The following ZNF831 variants were observed in gnomAD, a reference collection of about 807,000 sequenced individuals.
The protein encoded by ZNF831 is zinc finger protein 831.
ZNF831 carries 59 observed loss-of-function variants against 95.8 expected under a neutral mutation model. The ratio of observed to expected loss-of-function variants is 0.62; its 90% CI spans 0.50 to 0.77. The LOEUF (loss-of-function observed/expected upper bound fraction) is 0.77. Ranked by LOEUF, ZNF831 falls within the 30% of genes least tolerant of loss-of-function variation. The pLI is 0.00. For synonymous variants in ZNF831, 961 were observed against 925.5 expected (o/e 1.04, Z -0.70); for missense variants, 2,205 against 2,164.0 (o/e 1.02, Z -0.38).
At chr20:59,244,355 A>G (rs762423338) in intron 4 of ZNF831, among the ~76,000 whole-genome samples, 100 of 152,262 alleles carry the variant, frequency 6.6e-4, no homozygotes, top group Admixed American at 1.6e-3. Flanking sequence ...CTGGTGTGTG[A>G]GGATTTATCT....
intron 3 of ZNF831, among the ~76,000 whole-genome samples, chr20:59,198,213 A>C (rs1459482927): frequency 6.6e-6 from 1 of 152,250 alleles, no homozygotes; most frequent in Non-Finnish European, 1.5e-5. Context: ...ACCCACTAGC[A>C]GCTCTTGGGC....
chr20:59,246,839 C>T (rs980719267), intron 4 of ZNF831, among the ~76,000 whole-genome samples: 4 of 152,136 alleles, frequency 2.6e-5, no homozygotes, highest in Non-Finnish European at 5.9e-5. Flanking sequence ...TTGATAAATC[C>T]ATCTTTCTGG....
rs1204474078 is a variant in ZNF831, at chr20:59,192,205, G to T, written c.1186G>T (p.Gly396Cys). 2 of 1,581,270 alleles carry T rather than the reference G, an allele frequency of 1.3e-6. No homozygotes were observed. The highest frequency in any genetic ancestry group is 2.3e-5 in the East Asian group (1 of 43,452). The change falls in exon 2 of 6, where the codon GGC becomes TGC. Residue 396 changes from glycine (G) to cysteine (C), a missense_variant. Physicochemically the swap from Gly to Cys is radical, Grantham distance 159 (BLOSUM62 -3). Coordinates refer to ENST00000371030, the MANE Select transcript of ZNF831 (RefSeq NM_178457.3). The surrounding 1 kb of genome is among the most constrained non-coding windows in gnomAD (Gnocchi z 5.2). ...AGAEPGAREA[G>C]LELEKKRLEE... ...GGCCGAGCCCGGGGCGCGAGAAGCCGGCCTGGAGCTGGAGAAGAAGCGGCT... is the reference window on the plus strand; with the variant it reads ...GGCCGAGCCCGGGGCGCGAGAAGCCTGCCTGGAGCTGGAGAAGAAGCGGCT...
At chr20:59,154,994 G>T (rs1022643835) in intron 2 of ZNF831, among the ~76,000 whole-genome samples, 1 of 152,146 alleles carries the variant, frequency 6.6e-6, no homozygotes, top group Non-Finnish European at 1.5e-5. Context: ...GTCCCATGAC[G>T]GCAAGGGGGC....
At chr20:59,127,070 G>A (rs1979196179) in intron 1 of ZNF831, among the ~76,000 whole-genome samples, 1 of 152,072 alleles carries the variant, frequency 6.6e-6, no homozygotes, top group Non-Finnish European at 1.5e-5. Flanking sequence ...CATCCCAGGA[G>A]GTTTGCTTCT....
At chr20:59,142,385 C>T (rs952199984) in intron 1 of ZNF831, among the ~76,000 whole-genome samples, 1 of 152,196 alleles carries the variant, frequency 6.6e-6, no homozygotes, top group African/African-American at 2.4e-5. Context: ...TGGAGCTGTC[C>T]TAGGTCCTGA....
At chr20:59,151,433 G>T (rs1980229348) in intron 2 of ZNF831, among the ~76,000 whole-genome samples, 1 of 152,182 alleles carries the variant, frequency 6.6e-6, no homozygotes, top group South Asian at 2.1e-4. Context: ...AGGTGTTTAT[G>T]ATACACCCGA....
rs2146551302 is a variant in ZNF831 at position 59,191,661 on chromosome 20, G to A, written c.642G>A (p.Leu214=). The change falls in exon 2 of 6, where the codon CTG becomes CTA. Residue 214 remains leucine, a synonymous_variant. Coordinates refer to ENST00000371030, the MANE Select transcript of ZNF831 (RefSeq NM_178457.3). ...CCGAGGGCGCCGGGGGCGGCCTCCT[G>A]GAGGAAGGGGACAAGGCCGGAGAGC... is the stretch of plus-strand genomic sequence containing the variant. ...SESEGAGGGL[L]EEGDKAGEPP... The A allele has an allele frequency of 6.4e-7, 1 of 1,560,116 alleles. No individual in the cohort carries two copies. Among genetic ancestry groups the A allele is most frequent in the South Asian group, 1.2e-5 (1 of 81,980 alleles).
In ZNF831 at chr20:59,195,779, G is replaced by A. The variant is rs920683862; in HGVS notation, c.3739-90G>A. 10 of 1,521,044 alleles carry A rather than the reference G, an allele frequency of 6.6e-6. 1 individual carries two copies. Among genetic ancestry groups the A allele is most frequent in the Middle Eastern group, 2.3e-4 (1 of 4,444 alleles). 94.2% of individuals were successfully genotyped at this position (1,521,044 alleles called of 1,614,324 possible). A position where few individuals can be genotyped will look rare whatever the true frequency, so the allele number is the denominator to read the frequency against. On this transcript the variant is annotated intron_variant, in intron 2 of 5. Transcript: ENST00000371030. ...TTTCCGTTTTGATTTCTGAAGACAG[G>A]CATCTTGTCTGCAGAGCGAGAACCC...
At chr20:59,184,953 G>C (rs564632497) in intron 1 of ZNF831, among the ~76,000 whole-genome samples, 4 of 152,270 alleles carry the variant, frequency 2.6e-5, no homozygotes, top group South Asian at 2.1e-4. Context: ...GAGGAGGTGG[G>C]GAGCTGCACA....
At position 59,192,525 on chromosome 20, in the gene ZNF831, C is replaced by T. The variant is rs745847652; in HGVS notation, c.1506C>T (p.Thr502=). The change falls in exon 2 of 6, where the codon ACC becomes ACT. Residue 502 remains threonine (T), a synonymous_variant. Coordinates refer to ENST00000371030, the MANE Select transcript of ZNF831 (RefSeq NM_178457.3). The surrounding 1 kb of genome is among the most constrained non-coding windows in gnomAD (Gnocchi z 5.2). ...LSTTVECVPV[T]RSNSLPFVEG... Reference sequence around the variant, plus strand: ...CCACCGTGGAATGTGTCCCCGTCACCAGGAGCAACTCGCTGCCCTTCGTCG... The same window carrying T: ...CCACCGTGGAATGTGTCCCCGTCACTAGGAGCAACTCGCTGCCCTTCGTCG... 1.3e-6 allele frequency: 2 copies of T among 1,533,136 alleles called. No homozygotes were observed. Among genetic ancestry groups the T allele is most frequent in the Non-Finnish European group, 8.8e-7 (1 of 1,142,040 alleles). The allele number at this position is 1,533,136 out of a possible 1,614,324, so 95.0% of individuals were successfully genotyped here. A position where few individuals can be genotyped will look rare whatever the true frequency, so the allele number is the denominator to read the frequency against.
At position 59,217,792 on chromosome 20, in the gene ZNF831, T is replaced by A. The variant is rs1985797665; in HGVS notation, c.4027+10736T>A. 6.6e-6 allele frequency among the ~76,000 whole-genome samples: 1 copy of A among 152,198 alleles called. No homozygotes were observed. The highest frequency in any genetic ancestry group is 2.1e-4 in the South Asian group (1 of 4,832). ...TCGTTTATTTATTTATTTATTTTTTTAAATCACAGAGAAGTAAGTTTCTCT... is the reference window on the plus strand; with the variant it reads ...TCGTTTATTTATTTATTTATTTTTTAAAATCACAGAGAAGTAAGTTTCTCT... On this transcript the variant is annotated intron_variant, in intron 4 of 5. Coordinates refer to ENST00000371030, the MANE Select transcript of ZNF831 (RefSeq NM_178457.3). This position sits in a 1 kb window ranked among gnomAD's most constrained non-coding sequence, Gnocchi z 4.4.
chr20:59,156,676 C>T (rs1333665876), intron 2 of ZNF831, among the ~76,000 whole-genome samples: 2 of 152,224 alleles, frequency 1.3e-5, no homozygotes, highest in Non-Finnish European at 2.9e-5. Flanking sequence ...CATTTCTCCT[C>T]CCCTACTCCC....
chr20:59,175,857 T>C (rs545996036), intron 1 of ZNF831, among the ~76,000 whole-genome samples: 185 of 152,360 alleles, frequency 1.2e-3, no homozygotes, highest in African/African-American at 4.1e-3. Flanking sequence ...TATGAGAGTC[T>C]GGGTTTAGTG....
upstream of ZNF831, among the ~76,000 whole-genome samples, chr20:59,162,884 A>T (rs1256106218): frequency 6.6e-6 from 1 of 152,150 alleles, no homozygotes; most frequent in Non-Finnish European, 1.5e-5. Flanking sequence ...AGCAGTATGG[A>T]CATTTTAATG....
intron 5 of ZNF831, among the ~76,000 whole-genome samples, 178 bp downstream of exon 5, chr20:59,253,316 G>A (rs142800334): frequency 0.011 from 1,695 of 152,246 alleles, 12 homozygotes; most frequent in Non-Finnish European, 0.015. Context: ...TATCGAATGA[G>A]TAGCTTTGGT....
At chr20:59,202,805 A>G (rs1984625172) in intron 3 of ZNF831, among the ~76,000 whole-genome samples, 1 of 152,204 alleles carries the variant, frequency 6.6e-6, no homozygotes, top group South Asian at 2.1e-4. Flanking sequence ...GATTCCTCAA[A>G]GTGAAAGCAA....
In ZNF831 at chr20:59,164,087, T is replaced by A. The variant is rs1981063313; in HGVS notation, c.-157T>A. ...GAGAGCACGGGCTCTTGAGCTCATC[T>A]CTTCTCTGTGGGGCCAGCCCAGTGG... On this transcript the variant is annotated 5_prime_UTR_variant, in exon 1 of 6. Coordinates refer to ENST00000371030, the MANE Select transcript of ZNF831 (RefSeq NM_178457.3). Among the ~76,000 whole-genome samples, 1 of 152,064 alleles carries A rather than the reference T, an allele frequency of 6.6e-6. No homozygotes were observed. Among genetic ancestry groups the A allele is most frequent in the Admixed American group, 6.6e-5 (1 of 15,262 alleles).
chr20:59,225,862 C>A (rs1055156599), intron 4 of ZNF831, among the ~76,000 whole-genome samples: 3 of 152,168 alleles, frequency 2.0e-5, no homozygotes, highest in African/African-American at 4.8e-5. Flanking sequence ...AAGGTTTAAG[C>A]ACAAAAGGGA....
Sources: gnomAD v4.1 joint callset for allele counts (sites outside exome capture counted in the v4.1 genomes callset) on GRCh38, gnomAD v4.1.1 for gene constraint, Gnocchi (gnomAD v3.1) non-coding constraint, MANE v1.5 for transcripts, NCBI Gene and HGNC (gene_info 2026-07-23, HGNC 2026-07-21) for gene names.